The following XIRP2 variants were observed in gnomAD, a reference collection of about 807,000 sequenced individuals.
XIRP2 encodes the protein xin actin-binding repeat-containing protein 2.
XIRP2 carries 236 observed loss-of-function variants against 277.0 expected under a neutral mutation model. The ratio of observed to expected loss-of-function variants is 0.85; its 90% CI spans 0.77 to 0.95. The LOEUF (loss-of-function observed/expected upper bound fraction) is 0.95. Among genes scored for constraint, XIRP2 ranks in the 40% least tolerant of loss-of-function variants. XIRP2 has a pLI of 0.00. For synonymous variants in XIRP2, 1,490 were observed against 1,416.5 expected (o/e 1.05, Z -1.17); for missense variants, 4,640 against 4,157.5 (o/e 1.12, Z -3.19).
intron 2 of XIRP2, among the ~76,000 whole-genome samples, chr2:167,046,870 G>A (rs1688799965): frequency 1.3e-5 from 2 of 151,488 alleles, no homozygotes; most frequent in Admixed American, 1.3e-4. Context: ...CCAAACACCA[G>A]CAACGTGGAA....
intron 3 of XIRP2, among the ~76,000 whole-genome samples, chr2:167,198,281 T>G (rs1693578706): frequency 6.6e-6 from 1 of 152,242 alleles, no homozygotes; most frequent in African/African-American, 2.4e-5. Flanking sequence ...GTCATGTTAC[T>G]GGTTACAGAG....
chr2:167,076,765 T>A (rs992176467), intron 2 of XIRP2, among the ~76,000 whole-genome samples: 2 of 152,198 alleles, frequency 1.3e-5, no homozygotes, highest in African/African-American at 4.8e-5. Flanking sequence ...AAAAGGGATG[T>A]TAAGAAAATG....
At chr2:167,100,617 G>A (rs895857061) in intron 2 of XIRP2, among the ~76,000 whole-genome samples, 6 of 152,122 alleles carry the variant, frequency 3.9e-5, no homozygotes, top group African/African-American at 7.2e-5. Flanking sequence ...TTACTCACCT[G>A]GGACTAAGCA....
intron 3 of XIRP2, among the ~76,000 whole-genome samples, chr2:167,205,273 G>A: frequency 6.6e-6 from 1 of 152,028 alleles, no homozygotes; most frequent in South Asian, 2.1e-4. Flanking sequence ...TGTATCTTAT[G>A]CTTTTTGTAG....
At chr2:167,118,155 G>A (rs1362297528) in intron 2 of XIRP2, among the ~76,000 whole-genome samples, 1 of 152,106 alleles carries the variant, frequency 6.6e-6, no homozygotes, top group African/African-American at 2.4e-5. Flanking sequence ...AGGTCATAAG[G>A]CCACCACCTT....
Position 167,244,598 on chromosome 2 carries a change from A to G in XIRP2, c.3206A>G (p.Tyr1069Cys). 6.2e-7 allele frequency: 1 copy of G among 1,612,734 alleles called. No individual in the cohort carries two copies. The highest frequency in any genetic ancestry group is 8.5e-7 in the Non-Finnish European group (1 of 1,179,442). The change falls in exon 9 of 11, where the codon TAT becomes TGT. Residue 1069 changes from tyrosine (Y) to cysteine (C), a missense_variant. Tyr to Cys is a radical substitution (Grantham distance 194). Coordinates refer to ENST00000409195, the MANE Select transcript of XIRP2 (RefSeq NM_152381.6). ...ACCCAACCTCTTGATTCAATTAAAT[A>G]TTTTAGTGATGTGGAAGAAACAGAA... Reference protein sequence around the residue: ...FETQPLDSIKYFSDVEETESK... With the variant: ...FETQPLDSIKCFSDVEETESK...
chr2:167,131,810 T>G (rs982205282), intron 2 of XIRP2, among the ~76,000 whole-genome samples: 3 of 152,116 alleles, frequency 2.0e-5, no homozygotes, highest in Non-Finnish European at 4.4e-5. Flanking sequence ...AGTTTGGACC[T>G]CTCCTCTAAG....
At chr2:167,149,531 A>T (rs1464588864) in intron 3 of XIRP2, among the ~76,000 whole-genome samples, 11 of 152,290 alleles carry the variant, frequency 7.2e-5, no homozygotes, top group Non-Finnish European at 2.9e-5. Context: ...TTGGAAATGG[A>T]TAGACTAGTC....
At chr2:167,164,802 TC>T (rs1692473929) in intron 3 of XIRP2, among the ~76,000 whole-genome samples, 1 of 136,680 alleles carries the variant, frequency 7.3e-6, no homozygotes, top group Admixed American at 7.0e-5. Context: ...CACTTACCCC[TC>T]CCATTCATAG....
chr2:167,196,049 G>A (rs1458941946), intron 3 of XIRP2, among the ~76,000 whole-genome samples: 1 of 152,166 alleles, frequency 6.6e-6, no homozygotes, highest in African/African-American at 2.4e-5. Flanking sequence ...CTGTGTGTGT[G>A]TGTAAAGAGA....
chr2:167,051,780 C>T (rs2105536065), intron 2 of XIRP2, among the ~76,000 whole-genome samples: 1 of 152,074 alleles, frequency 6.6e-6, no homozygotes, highest in Non-Finnish European at 1.5e-5. Context: ...TTGTCAAGCA[C>T]ATTTGAAGAA....
intron 2 of XIRP2, among the ~76,000 whole-genome samples, chr2:167,019,114 A>G (rs1252419324): frequency 6.6e-6 from 1 of 152,034 alleles, no homozygotes; most frequent in Non-Finnish European, 1.5e-5. Context: ...AGATGAAAAT[A>G]AAGTGCCAAG....
At chr2:167,103,753 C>T (rs185398442) in intron 2 of XIRP2, among the ~76,000 whole-genome samples, 6 of 152,158 alleles carry the variant, frequency 3.9e-5, no homozygotes, top group East Asian at 1.9e-4. Flanking sequence ...TGGAATCAAA[C>T]GCTAGCTGGT....
At chr2:167,057,434 T>C (rs556335052) in intron 2 of XIRP2, among the ~76,000 whole-genome samples, 52 of 152,330 alleles carry the variant, frequency 3.4e-4, no homozygotes, top group African/African-American at 1.2e-3. Context: ...TTGTGACTTC[T>C]AGATAATAAC....
At chr2:166,960,792 A>T (rs1686279988) in intron 2 of XIRP2, among the ~76,000 whole-genome samples, 1 of 151,724 alleles carries the variant, frequency 6.6e-6, no homozygotes, top group Non-Finnish European at 1.5e-5. Context: ...ACTCTTTATA[A>T]GGATTTTATT....
intron 2 of XIRP2, among the ~76,000 whole-genome samples, chr2:167,126,127 A>G (rs927424256): frequency 2.0e-5 from 3 of 152,090 alleles, no homozygotes; most frequent in Non-Finnish European, 4.4e-5. Context: ...AGAAGCTGCA[A>G]GGCTTCTTTC....
At chr2:167,070,703 C>T (rs1217827756) in intron 2 of XIRP2, among the ~76,000 whole-genome samples, 1 of 152,024 alleles carries the variant, frequency 6.6e-6, no homozygotes, top group Admixed American at 6.6e-5. Context: ...GACAATATGT[C>T]TGTTGGTGGA....
chr2:167,202,748 C>CA (rs1010505883), intron 3 of XIRP2, among the ~76,000 whole-genome samples: 3 of 152,046 alleles, frequency 2.0e-5, no homozygotes, highest in Admixed American at 6.6e-5. Flanking sequence ...AAGAAATTAC[C>CA]AAAAAATGCA....
intron 2 of XIRP2, among the ~76,000 whole-genome samples, chr2:167,008,000 A>G (rs1687552824): frequency 2.0e-5 from 3 of 151,452 alleles, no homozygotes; most frequent in Admixed American, 2.0e-4. Flanking sequence ...CTTTGTGCCT[A>G]CTTTTGTATT....
Sources: allele counts gnomAD v4.1 joint callset (sites outside exome capture counted in the v4.1 genomes callset), GRCh38; gene constraint gnomAD v4.1.1; transcripts MANE v1.5; gene names NCBI Gene and HGNC (gene_info 2026-07-23, HGNC 2026-07-21).